The following MCF2L2 variants were observed in gnomAD, a reference collection of about 807,000 sequenced individuals.
MCF2L2 encodes MCF.2 cell line derived transforming sequence-like 2, also known as probable guanine nucleotide exchange factor MCF2L2.
In MCF2L2, 102 loss-of-function variants were observed where a neutral mutation model predicts 150.2. The ratio of observed to expected loss-of-function variants is 0.68; its 90% CI spans 0.58 to 0.80. The LOEUF (loss-of-function observed/expected upper bound fraction) is 0.80, where lower values mean the gene tolerates loss of function less well. Ranked by LOEUF, MCF2L2 falls within the 30% of genes least tolerant of loss-of-function variation. The pLI is 0.00. For synonymous variants in MCF2L2, 465 were observed against 491.3 expected (o/e 0.95, Z 0.71); for missense variants, 1,256 against 1,372.8 (o/e 0.91, Z 1.34).
chr3:183,369,573 T>C (rs1361993615), intron 3 of MCF2L2, among the ~76,000 whole-genome samples: 1 of 152,146 alleles, frequency 6.6e-6, no homozygotes, highest in African/African-American at 2.4e-5. Context: ...TCCTATAGCT[T>C]ACTGAAGTAT....
At chr3:183,242,829 A>C (rs1208534573) in intron 15 of MCF2L2, among the ~76,000 whole-genome samples, 4 of 152,202 alleles carry the variant, frequency 2.6e-5, no homozygotes, top group Non-Finnish European at 5.9e-5. Context: ...GCAGATACCC[A>C]ACACCAGCCC....
chr3:183,395,935 A>AAAG (rs1035859579), intron 1 of MCF2L2, among the ~76,000 whole-genome samples: 2 of 99,108 alleles, frequency 2.0e-5, no homozygotes, highest in Admixed American at 1.1e-4. Flanking sequence ...AAAAAAAAAA[A>AAAG]AAAGAAAGAA....
At position 183,338,929 on chromosome 3, in the gene MCF2L2, T is replaced by C. The variant is rs777016952; in HGVS notation, c.367-10A>G. On this transcript the variant is annotated splice_polypyrimidine_tract_variant and intron_variant, in intron 4 of 29. Coordinates refer to ENST00000328913, the MANE Select transcript of MCF2L2 (RefSeq NM_015078.4). ...TTCCTGGAAATGCCACCTGCAAGCA[T>C]CAGGAAAAGTGTCAGGAGGAGAGAG... is the stretch of plus-strand genomic sequence containing the variant. 6.3e-7 allele frequency: 1 copy of C among 1,594,562 alleles called. No individual in the cohort carries two copies. The highest frequency in any genetic ancestry group is 1.7e-5 in the Admixed American group (1 of 59,594).
At chr3:183,359,514 G>A (rs548500406) in intron 3 of MCF2L2, among the ~76,000 whole-genome samples, 3 of 152,124 alleles carry the variant, frequency 2.0e-5, no homozygotes, top group African/African-American at 7.2e-5. Context: ...ACTGTCTATG[G>A]CCATATCACC....
chr3:183,221,790 G>A (rs1723157798), intron 20 of MCF2L2, among the ~76,000 whole-genome samples: 1 of 152,174 alleles, frequency 6.6e-6, no homozygotes, highest in African/African-American at 2.4e-5. Flanking sequence ...TGGTGTGACA[G>A]TCTCAATGTC....
chr3:183,379,238 C>A, intron 3 of MCF2L2, 59 bp downstream of exon 3: 1 of 1,298,270 alleles, frequency 7.7e-7, no homozygotes, highest in Non-Finnish European at 1.1e-6. Context: ...AGCCCTGCCA[C>A]ATGGGAAGTG....
chr3:183,231,970 C>G (rs563214223), intron 15 of MCF2L2, among the ~76,000 whole-genome samples: 1 of 152,300 alleles, frequency 6.6e-6, no homozygotes, highest in African/African-American at 2.4e-5. Context: ...GCACATACGC[C>G]TCTTCCAATC....
At chr3:183,193,573 T>A (rs1721981757) in intron 26 of MCF2L2, among the ~76,000 whole-genome samples, 1 of 152,070 alleles carries the variant, frequency 6.6e-6, no homozygotes, top group Non-Finnish European at 1.5e-5. Context: ...ATGGTCTTGA[T>A]CTCTTGACCT....
At position 183,323,264 on chromosome 3, in the gene MCF2L2, G is replaced by A. The variant is rs775278339; in HGVS notation, c.574C>T (p.Arg192Cys). The A allele has an allele frequency of 2.3e-5, 37 of 1,613,112 alleles. No individual in the cohort carries two copies. The highest frequency in any genetic ancestry group is 1.3e-4 in the Admixed American group (8 of 59,982). ...TRELGGTLEY[R>C]HGQWVNHRTA... ...CGGTGATTTACCCACTGACCGTGGC[G>A]ATATTCCAAAGTCCCCCCTAATTCC... The change falls in exon 6 of 30, where the codon CGC becomes TGC. Residue 192 changes from arginine to cysteine, a missense_variant. Arg to Cys is a radical substitution (Grantham distance 180, BLOSUM62 -3). Coordinates refer to ENST00000328913, the MANE Select transcript of MCF2L2 (RefSeq NM_015078.4).
rs762334516 is a variant in MCF2L2, at chr3:183,311,003, T to G, written c.905A>C (p.Glu302Ala). The change falls in exon 9 of 30, where the codon GAA becomes GCA. Residue 302 changes from glutamate to alanine, a missense_variant. By Grantham distance (107) the Glu-to-Ala change is moderately radical. Transcript: ENST00000328913. ...AGACCAAAAGTGACTAAAGGCTTTT[T>G]CTGTTTCATCCAGTTGAACTAATAA... ...ERLLVQLDET[E>A]KAFSHFWSEH... The G allele has an allele frequency of 1.1e-5, 18 of 1,613,078 alleles. No individual in the cohort carries two copies. Among genetic ancestry groups the G allele is most frequent in the Non-Finnish European group, 1.4e-5 (17 of 1,179,134 alleles).
At chr3:183,234,701 T>A (rs1723729834) in intron 15 of MCF2L2, among the ~76,000 whole-genome samples, 1 of 134,730 alleles carries the variant, frequency 7.4e-6, no homozygotes, top group Non-Finnish European at 1.6e-5. Flanking sequence ...TTTTTTTTTT[T>A]TTTTTTTTAT....
intron 15 of MCF2L2, among the ~76,000 whole-genome samples, chr3:183,239,704 C>T (rs887026359): frequency 1.3e-5 from 2 of 152,142 alleles, no homozygotes; most frequent in African/African-American, 4.8e-5. Context: ...TCCTGCTATC[C>T]TATCATCACA....
At chr3:183,189,888 G>C (rs1721818860) in intron 27 of MCF2L2, among the ~76,000 whole-genome samples, 1 of 152,140 alleles carries the variant, frequency 6.6e-6, no homozygotes, top group Non-Finnish European at 1.5e-5. Context: ...AGGATCTAAT[G>C]ACTCATCTAC....
intron 2 of MCF2L2, 91 bp from the exon 3 acceptor site, chr3:183,379,502 CT>C (rs1713392281): frequency 2.6e-6 from 2 of 776,384 alleles, no homozygotes; most frequent in Non-Finnish European, 4.3e-6. Context: ...TCGGTCACCT[CT>C]TTTCCTACCT....
intron 5 of MCF2L2, among the ~76,000 whole-genome samples, chr3:183,325,376 C>T (rs1035745458): frequency 2.6e-5 from 4 of 152,118 alleles, no homozygotes; most frequent in African/African-American, 4.8e-5. Context: ...CCACCTATCA[C>T]CACCTTAACC....
chr3:183,380,230 GTTC>G (rs1713437516), intron 2 of MCF2L2, among the ~76,000 whole-genome samples: 1 of 152,140 alleles, frequency 6.6e-6, no homozygotes, highest in Non-Finnish European at 1.5e-5. Flanking sequence ...ATTTGACTAA[GTTC>G]TAGCCCCACA....
At chr3:183,306,844 G>A (rs188350117) in intron 10 of MCF2L2, among the ~76,000 whole-genome samples, 185 of 152,316 alleles carry the variant, frequency 1.2e-3, no homozygotes, top group Non-Finnish European at 1.8e-3. Flanking sequence ...CCCTTATGGG[G>A]AGAGGTCAAG....
At chr3:183,427,054 G>A (rs141237336) in intron 1 of MCF2L2, among the ~76,000 whole-genome samples, 59 of 152,304 alleles carry the variant, frequency 3.9e-4, no homozygotes, top group African/African-American at 1.3e-3. Flanking sequence ...ATTCATGGGA[G>A]GACCTCCAAG....
At chr3:183,241,014 C>T (rs1723999687) in intron 15 of MCF2L2, among the ~76,000 whole-genome samples, 2 of 152,288 alleles carry the variant, frequency 1.3e-5, no homozygotes, top group South Asian at 4.1e-4. Flanking sequence ...TACCATAATC[C>T]TGACCTTAAT....
Sources: gnomAD v4.1 joint callset for allele counts (sites outside exome capture counted in the v4.1 genomes callset) on GRCh38, gnomAD v4.1.1 for gene constraint, MANE v1.5 for transcripts, NCBI Gene and HGNC (gene_info 2026-07-23, HGNC 2026-07-21) for gene names.